SND1: variants seen among roughly 807,000 people sequenced by gnomAD.
SND1 encodes the protein staphylococcal nuclease domain-containing protein 1.
A neutral mutation model predicts 121.7 loss-of-function variants in SND1; 38 were observed. The observed-to-expected ratio is 0.31, with a 90% CI of 0.24 to 0.41. SND1 has a LOEUF of 0.41. Among genes scored for constraint, SND1 ranks in the 10% least tolerant of loss-of-function variants. The probability of loss-of-function intolerance (pLI) is 1.00; values close to 1 mark genes in which losing one functional copy is unlikely to be tolerated. For synonymous variants in SND1, 401 were observed against 447.4 expected (o/e 0.90, Z 1.31); for missense variants, 868 against 1,184.6 (o/e 0.73, Z 3.92).
At chr7:127,974,970 G>A (rs1802080249) in intron 15 of SND1, among the ~76,000 whole-genome samples, 1 of 152,154 alleles carries the variant, frequency 6.6e-6, no homozygotes, top group Non-Finnish European at 1.5e-5. Context: ...GACCTGGGGG[G>A]ATCCATTTGG....
chr7:127,909,603 G>A lies in SND1; in HGVS notation c.1527+4784G>A, dbSNP rs1800413423. On this transcript the variant is annotated intron_variant, in intron 14 of 23. Coordinates refer to ENST00000354725, the MANE Select transcript of SND1 (RefSeq NM_014390.4). ...CTCCTGAGTAACTGGGTCTACAGGT[G>A]CACACCATCACACCCACAGGATCTT... Among the ~76,000 whole-genome samples the A allele has an allele frequency of 2.0e-5, 3 of 152,108 alleles. No individual in the cohort carries two copies. The East Asian group carries it at 5.8e-4, about 29-fold the overall frequency.
chr7:128,067,422 G>A (rs1283160545), intron 16 of SND1, among the ~76,000 whole-genome samples: 1 of 152,188 alleles, frequency 6.6e-6, no homozygotes, highest in African/African-American at 2.4e-5. Flanking sequence ...TGTCTGTGGG[G>A]ACTCTGATGT....
intron 16 of SND1, among the ~76,000 whole-genome samples, chr7:127,992,809 G>C (rs753869383): frequency 6.6e-6 from 1 of 152,212 alleles, no homozygotes; most frequent in Non-Finnish European, 1.5e-5. Context: ...TAAAAGGAGT[G>C]AGTGGCCCAA....
chr7:127,712,017 G>A (rs920647751), intron 9 of SND1, among the ~76,000 whole-genome samples: 2 of 151,162 alleles, frequency 1.3e-5, no homozygotes, highest in Admixed American at 1.3e-4. Context: ...CCCTTCTTGG[G>A]TTATTTTGGT....
intron 10 of SND1, among the ~76,000 whole-genome samples, chr7:127,748,278 A>G (rs1187067895): frequency 6.6e-6 from 1 of 152,196 alleles, no homozygotes; most frequent in Non-Finnish European, 1.5e-5. Flanking sequence ...ATACCATAGT[A>G]TGCTTACCCA....
At chr7:127,766,655 G>C (rs746455036) in intron 10 of SND1, among the ~76,000 whole-genome samples, 1 of 150,794 alleles carries the variant, frequency 6.6e-6, no homozygotes, top group African/African-American at 2.4e-5. Flanking sequence ...GGCACCTGTA[G>C]TCCCAGCTAC....
chr7:127,742,278 AG>A (rs1202535132), intron 10 of SND1, among the ~76,000 whole-genome samples: 1 of 152,154 alleles, frequency 6.6e-6, no homozygotes, highest in Non-Finnish European at 1.5e-5. Context: ...ATCAAATTAA[AG>A]GGTATTTCTC....
intron 16 of SND1, among the ~76,000 whole-genome samples, chr7:128,061,154 A>T (rs1181553835): frequency 6.6e-6 from 1 of 152,168 alleles, no homozygotes; most frequent in Non-Finnish European, 1.5e-5. Flanking sequence ...TTGTTAACGG[A>T]ATTGTATTTG....
chr7:128,039,628 G>A (rs1047697883), intron 16 of SND1, among the ~76,000 whole-genome samples: 16 of 152,288 alleles, frequency 1.1e-4, no homozygotes, highest in Admixed American at 8.5e-4. Context: ...AAAGGCTCAC[G>A]GGTTCTTGGC....
At chr7:128,066,032 A>G (rs576445837) in intron 16 of SND1, among the ~76,000 whole-genome samples, 1 of 152,314 alleles carries the variant, frequency 6.6e-6, no homozygotes, top group East Asian at 1.9e-4. Context: ...GCCTGCACCA[A>G]AGGAACAGAT....
At position 127,702,167 on chromosome 7, in the gene SND1, T is replaced by C. The variant is rs1271603325; in HGVS notation, c.590-268T>C. Among the ~76,000 whole-genome samples, 2 of 152,202 alleles carry C rather than the reference T, an allele frequency of 1.3e-5. 1 individual carries two copies. Among genetic ancestry groups the C allele is most frequent in the African/African-American group, 4.8e-5 (2 of 41,444 alleles). On this transcript the variant is annotated intron_variant, in intron 5 of 23. Coordinates refer to ENST00000354725, the MANE Select transcript of SND1 (RefSeq NM_014390.4). ...GTACTCAGGTGAGAATCCTAGCTTA[T>C]GGATAACAAACCTTCAGTGTGAGCC... is the stretch of plus-strand genomic sequence containing the variant.
At chr7:127,716,629 A>C (rs1796396108) in intron 9 of SND1, among the ~76,000 whole-genome samples, 1 of 152,090 alleles carries the variant, frequency 6.6e-6, no homozygotes, top group South Asian at 2.1e-4. Flanking sequence ...CCTATACGTC[A>C]TCTGGGAACA....
chr7:127,956,261 C>T (rs1801589570), intron 15 of SND1, among the ~76,000 whole-genome samples: 1 of 152,190 alleles, frequency 6.6e-6, no homozygotes, highest in South Asian at 2.1e-4. Context: ...CTGCTCCCGC[C>T]TCCTTGCTCT....
chr7:127,822,875 G>A (rs1308460624), intron 11 of SND1, among the ~76,000 whole-genome samples: 3 of 152,138 alleles, frequency 2.0e-5, no homozygotes, highest in South Asian at 2.1e-4. Flanking sequence ...TTAGTGTATG[G>A]ACTTTGAAAC....
intron 10 of SND1, among the ~76,000 whole-genome samples, chr7:127,731,731 A>G (rs545321625): frequency 6.6e-6 from 1 of 152,354 alleles, no homozygotes; most frequent in South Asian, 2.1e-4. Context: ...AAGCCAGTTA[A>G]TAACAGCTTT....
Position 128,092,136 on chromosome 7 carries a change from A to G in SND1, c.*78A>G. On this transcript the variant is annotated 3_prime_UTR_variant, in exon 24 of 24. Transcript: ENST00000354725. The surrounding 1 kb of genome is among the most constrained non-coding windows in gnomAD (Gnocchi z 4.9). ...TGCCGGGAGGGTGTTTTCAACTCCAAACCCCAGAGAGGGGTTGTAGATTGG... is the reference window on the plus strand; with the variant it reads ...TGCCGGGAGGGTGTTTTCAACTCCAGACCCCAGAGAGGGGTTGTAGATTGG... The G allele has an allele frequency of 6.9e-7, 1 of 1,442,552 alleles. No individual in the cohort carries two copies. The highest frequency in any genetic ancestry group is 9.7e-7 in the Non-Finnish European group (1 of 1,027,456). The allele number at this position is 1,442,552 out of a possible 1,614,324, so 89.4% of individuals were successfully genotyped here.
chr7:127,968,055 G>A (rs1801896437), intron 15 of SND1, among the ~76,000 whole-genome samples: 1 of 152,100 alleles, frequency 6.6e-6, no homozygotes, highest in South Asian at 2.1e-4. Flanking sequence ...AATTGGCCAG[G>A]GTCACACAGC....
intron 16 of SND1, chr7:128,027,731 A>G (rs1803518901): frequency 6.6e-6 from 1 of 152,264 alleles, no homozygotes; most frequent in Admixed American, 6.5e-5. Flanking sequence ...GAGTCCAGGA[A>G]CAACAGGTGG....
In SND1 at chr7:128,089,910, C is replaced by G. The variant is rs537691406; in HGVS notation, c.2622+218C>G. On this transcript the variant is annotated intron_variant, in intron 22 of 23. Transcript: ENST00000354725. ...GCGGGTTTGGCTGAGAATGCAGCTG[C>G]AAACTAGAGCGGAAAGCTTCCCTCC... 90 of 542,430 alleles carry G rather than the reference C, an allele frequency of 1.7e-4. No homozygotes were observed. In the East Asian group the frequency reaches 2.9e-3, roughly 17 times the overall value. 33.6% of individuals were successfully genotyped at this position (542,430 alleles called of 1,614,324 possible).
Sources: gnomAD v4.1 joint callset for allele counts (sites outside exome capture counted in the v4.1 genomes callset) on GRCh38, gnomAD v4.1.1 for gene constraint, Gnocchi (gnomAD v3.1) non-coding constraint, MANE v1.5 for transcripts, NCBI Gene and HGNC (gene_info 2026-07-23, HGNC 2026-07-21) for gene names.